OPCML: variants seen among roughly 807,000 people sequenced by gnomAD.
The protein encoded by OPCML is opioid-binding protein/cell adhesion molecule.
In OPCML, 13 loss-of-function variants were observed where a neutral mutation model predicts 37.8. The observed-to-expected ratio is 0.34, with a 90% CI of 0.22 to 0.55. The LOEUF is 0.55. Among genes scored for constraint, OPCML ranks in the 20% least tolerant of loss-of-function variants. OPCML has a pLI of 0.91. For missense variants in OPCML, 341 were observed against 435.6 expected (o/e 0.78, Z 1.93); for synonymous variants, 176 against 168.8 (o/e 1.04, Z -0.33).
At chr11:132,475,562 G>T (rs1436035497) in intron 4 of OPCML, among the ~76,000 whole-genome samples, 1 of 152,166 alleles carries the variant, frequency 6.6e-6, no homozygotes, top group African/African-American at 2.4e-5. Flanking sequence ...CACCAGAGAT[G>T]CAGGAGCACA....
intron 2 of OPCML, among the ~76,000 whole-genome samples, chr11:132,816,950 C>T (rs1409781365): frequency 2.6e-5 from 4 of 152,178 alleles, no homozygotes; most frequent in Admixed American, 2.6e-4. Context: ...AAGACAGTTA[C>T]CCCTCAGAAA....
intron 3 of OPCML, among the ~76,000 whole-genome samples, chr11:132,580,568 G>A (rs906493075): frequency 9.2e-5 from 14 of 152,116 alleles, no homozygotes; most frequent in African/African-American, 3.1e-4. Flanking sequence ...TAAACCAGAG[G>A]AAATAAGAGC....
At chr11:132,720,183 T>C (rs760267186) in intron 2 of OPCML, among the ~76,000 whole-genome samples, 12 of 152,190 alleles carry the variant, frequency 7.9e-5, no homozygotes, top group Admixed American at 3.3e-4. Flanking sequence ...TCTGCATGCA[T>C]TGGTAAAGTC....
chr11:133,339,572 T>C (rs78803739), intron 1 of OPCML, among the ~76,000 whole-genome samples: 1,821 of 152,300 alleles, frequency 0.012, 38 homozygotes, highest in African/African-American at 0.04. Flanking sequence ...AGATTTACCC[T>C]TTCTTCCATC....
rs568277530 is a variant in OPCML, at chr11:132,921,001, G to A, written c.146+21925C>T. On this transcript the variant is annotated intron_variant, in intron 2 of 7. Coordinates refer to ENST00000524381, the MANE Select transcript of OPCML (RefSeq NM_001012393.5). ...GACCCCCTCAGCTCCAGTGCTTCCC[G>A]CTGCGTCTGATTCTCCCTGCAGTCT... 4.6e-5 allele frequency among the ~76,000 whole-genome samples: 7 copies of A among 152,180 alleles called. No homozygotes were observed. The South Asian group carries it at 8.3e-4, about 18-fold the overall frequency.
At chr11:133,439,686 C>G (rs943251250) in intron 1 of OPCML, among the ~76,000 whole-genome samples, 3 of 151,708 alleles carry the variant, frequency 2.0e-5, no homozygotes, top group African/African-American at 7.3e-5. Flanking sequence ...CCAGGATGGT[C>G]TCGATCTCCT....
chr11:133,061,611 T>A (rs1291519778), intron 1 of OPCML, among the ~76,000 whole-genome samples: 1 of 152,212 alleles, frequency 6.6e-6, no homozygotes, highest in Non-Finnish European at 1.5e-5. Context: ...TCACCACGTG[T>A]CCTACCTAGT....
Position 132,934,185 on chromosome 11 carries a change from T to C in OPCML, c.146+8741A>G, listed in dbSNP as rs868548174. On this transcript the variant is annotated intron_variant, in intron 2 of 7. Coordinates refer to ENST00000524381, the MANE Select transcript of OPCML (RefSeq NM_001012393.5). Reference sequence around the variant, plus strand: ...TGGGTAAATAGGCAGATGGTAAGCATTGGAAAGTCCTGGAACCACTAGGCC... The same window carrying C: ...TGGGTAAATAGGCAGATGGTAAGCACTGGAAAGTCCTGGAACCACTAGGCC... Among the ~76,000 whole-genome samples the C allele has an allele frequency of 1.2e-4, 19 of 152,218 alleles. No homozygotes were observed. The Middle Eastern group carries it at 0.01, about 82-fold the overall frequency.
chr11:133,422,617 G>A (rs1455041468), intron 1 of OPCML: 33 of 960,426 alleles, frequency 3.4e-5, no homozygotes, highest in South Asian at 9.6e-5. Context: ...GCAGCCTCCC[G>A]AGTAGTTGAG....
intron 2 of OPCML, among the ~76,000 whole-genome samples, chr11:132,675,560 AC>A (rs1241334179): frequency 1.3e-5 from 2 of 152,142 alleles, no homozygotes; most frequent in African/African-American, 4.8e-5. Context: ...AAATAAAAAA[AC>A]GCAAGTAGAA....
chr11:132,690,812 C>A (rs1157996972), intron 2 of OPCML, among the ~76,000 whole-genome samples: 1 of 152,182 alleles, frequency 6.6e-6, no homozygotes. Flanking sequence ...TCACCTCAAG[C>A]CTTACCCAGC....
At chr11:132,921,127 G>A (rs1298095568) in intron 2 of OPCML, among the ~76,000 whole-genome samples, 2 of 152,164 alleles carry the variant, frequency 1.3e-5, no homozygotes, top group East Asian at 3.9e-4. Context: ...GTGTGAGGTT[G>A]TTTAAAACTT....
intron 4 of OPCML, among the ~76,000 whole-genome samples, chr11:132,478,469 C>T (rs756804598): frequency 6.6e-6 from 1 of 152,166 alleles, no homozygotes; most frequent in Non-Finnish European, 1.5e-5. Flanking sequence ...ACGGGATACA[C>T]AACACATCCT....
intron 2 of OPCML, among the ~76,000 whole-genome samples, chr11:132,883,618 TG>T (rs1943301895): frequency 6.6e-6 from 1 of 152,092 alleles, no homozygotes; most frequent in Admixed American, 6.5e-5. Context: ...GTTTTGAGAC[TG>T]GGTAAATAGG....
intron 1 of OPCML, among the ~76,000 whole-genome samples, chr11:133,059,192 C>A (rs1264352372): frequency 6.6e-6 from 1 of 152,152 alleles, no homozygotes; most frequent in Non-Finnish European, 1.5e-5. Flanking sequence ...AATTGTATTG[C>A]CACCTTGACA....
At position 133,143,435 on chromosome 11, in the gene OPCML, C is replaced by T. The variant is rs116288773; in HGVS notation, c.62-200425G>A. Among the ~76,000 whole-genome samples the T allele has an allele frequency of 6.6e-3, 1,008 of 152,274 alleles. 11 individuals carry two copies. The highest frequency in any genetic ancestry group is 0.023 in the African/African-American group (943 of 41,544). On this transcript the variant is annotated intron_variant, in intron 1 of 7. Coordinates refer to ENST00000524381, the MANE Select transcript of OPCML (RefSeq NM_001012393.5). ...CTAGAAACATCAGGTCTGCAGGTGA[C>T]AGATCCACAGCATGAAAGAAGTCTG...
chr11:133,422,431 T>C, intron 1 of OPCML: 1 of 969,266 alleles, frequency 1.0e-6, no homozygotes, highest in Non-Finnish European at 1.2e-6. Context: ...GCCCCACCTC[T>C]CTATCATTGT....
intron 3 of OPCML, among the ~76,000 whole-genome samples, chr11:132,557,141 A>AT (rs1306280769): frequency 6.6e-6 from 1 of 152,100 alleles, no homozygotes; most frequent in Non-Finnish European, 1.5e-5. Context: ...TAACAATACC[A>AT]TTTTTACCTC....
At chr11:132,588,766 T>C (rs904765627) in intron 3 of OPCML, among the ~76,000 whole-genome samples, 1 of 152,174 alleles carries the variant, frequency 6.6e-6, no homozygotes, top group Admixed American at 6.5e-5. Flanking sequence ...TCACCAGGGA[T>C]TGGCCACAGC....
Sources: gnomAD v4.1 joint callset for allele counts (sites outside exome capture counted in the v4.1 genomes callset) on GRCh38, gnomAD v4.1.1 for gene constraint, MANE v1.5 for transcripts, NCBI Gene and HGNC (gene_info 2026-07-23, HGNC 2026-07-21) for gene names.